The following ERBB4 variants were observed in gnomAD, a reference collection of about 807,000 sequenced individuals.
ERBB4 encodes receptor tyrosine-protein kinase erbB-4.
ERBB4 carries 42 observed loss-of-function variants against 158.0 expected under a neutral mutation model. The ratio of observed to expected loss-of-function variants is 0.27; its 90% CI spans 0.21 to 0.34. The LOEUF (loss-of-function observed/expected upper bound fraction) is 0.34, where lower values mean the gene tolerates loss of function less well. Among genes scored for constraint, ERBB4 ranks in the 10% least tolerant of loss-of-function variants. The probability of loss-of-function intolerance (pLI) is 1.00; values close to 1 mark genes in which losing one functional copy is unlikely to be tolerated. For synonymous variants in ERBB4, 583 were observed against 558.7 expected (o/e 1.04, Z -0.61); for missense variants, 1,333 against 1,624.1 (o/e 0.82, Z 3.08).
chr2:212,306,320 A>G (rs1448539306), intron 1 of ERBB4, among the ~76,000 whole-genome samples: 2 of 151,288 alleles, frequency 1.3e-5, no homozygotes, highest in African/African-American at 4.8e-5. Flanking sequence ...AAACAAACAA[A>G]CTCTATAAAC....
intron 3 of ERBB4, among the ~76,000 whole-genome samples, chr2:211,864,170 T>C (rs1042490179): frequency 1.3e-5 from 2 of 152,220 alleles, no homozygotes; most frequent in Non-Finnish European, 2.9e-5. Flanking sequence ...CTTTCCTCTG[T>C]GGGTGTTCTG....
At chr2:212,106,558 C>T (rs2079233342) in intron 2 of ERBB4, among the ~76,000 whole-genome samples, 1 of 152,142 alleles carries the variant, frequency 6.6e-6, no homozygotes, top group Non-Finnish European at 1.5e-5. Context: ...AAAAGAAAAT[C>T]CTATATTCTG....
At chr2:212,537,843 C>T (rs1693182455) in intron 1 of ERBB4, among the ~76,000 whole-genome samples, 1 of 151,874 alleles carries the variant, frequency 6.6e-6, no homozygotes, top group Non-Finnish European at 1.5e-5. Context: ...AGGCCCAGAA[C>T]TCCGGGCCCC....
chr2:212,106,794 A>T (rs898923463), intron 2 of ERBB4, among the ~76,000 whole-genome samples: 1 of 152,162 alleles, frequency 6.6e-6, no homozygotes, highest in African/African-American at 2.4e-5. Context: ...GCCCCAGGTG[A>T]TCCAGCAGTG....
At chr2:211,515,488 T>C (rs1159669665) in intron 20 of ERBB4, among the ~76,000 whole-genome samples, 2 of 152,016 alleles carry the variant, frequency 1.3e-5, no homozygotes, top group East Asian at 3.9e-4. Context: ...AGGGGTAATG[T>C]CAGTTGAGTA....
chr2:211,947,082 G>T (rs2125136704), intron 3 of ERBB4, among the ~76,000 whole-genome samples: 1 of 152,200 alleles, frequency 6.6e-6, no homozygotes, highest in East Asian at 1.9e-4. Context: ...AAGCGCTAAT[G>T]ATAGTTATCT....
At chr2:211,562,719 T>C (rs533891259) in intron 19 of ERBB4, among the ~76,000 whole-genome samples, 17 of 151,842 alleles carry the variant, frequency 1.1e-4, no homozygotes, top group Admixed American at 2.0e-4. Flanking sequence ...GTCTTATTCA[T>C]AGATTCATAA....
chr2:212,280,673 CTT>C (rs2085723897), intron 1 of ERBB4, among the ~76,000 whole-genome samples: 2 of 151,608 alleles, frequency 1.3e-5, no homozygotes, highest in African/African-American at 4.8e-5. Context: ...AGTTAGATAA[CTT>C]TATTCACACT....
intron 16 of ERBB4, among the ~76,000 whole-genome samples, chr2:211,640,071 G>T (rs1428779814): frequency 6.6e-6 from 1 of 151,824 alleles, no homozygotes; most frequent in Non-Finnish European, 1.5e-5. Context: ...TTGTTTCCTT[G>T]ATAGTCAATT....
intron 2 of ERBB4, among the ~76,000 whole-genome samples, chr2:212,022,750 A>ATT (rs1023454176): frequency 2.0e-5 from 3 of 152,088 alleles, no homozygotes; most frequent in Admixed American, 2.0e-4. Flanking sequence ...TTTTATTTGT[A>ATT]TTTTTTTGTT....
intron 3 of ERBB4, among the ~76,000 whole-genome samples, chr2:211,803,496 T>C (rs1410818181): frequency 6.6e-6 from 1 of 152,100 alleles, no homozygotes; most frequent in Non-Finnish European, 1.5e-5. Flanking sequence ...GTATAAGGAA[T>C]AGAGTGAGTA....
intron 1 of ERBB4, among the ~76,000 whole-genome samples, chr2:212,172,916 C>A (rs2081561988): frequency 6.6e-6 from 1 of 151,940 alleles, no homozygotes. Flanking sequence ...ACTTCTATAT[C>A]CTGCACATGT....
At chr2:211,386,205 AT>A (rs749421087) in intron 27 of ERBB4, among the ~76,000 whole-genome samples, 28 of 152,224 alleles carry the variant, frequency 1.8e-4, no homozygotes, top group Non-Finnish European at 3.5e-4. Flanking sequence ...GCATTATTTG[AT>A]TTGGGTGCTT....
chr2:211,938,290 G>A (rs1651455997), intron 3 of ERBB4, among the ~76,000 whole-genome samples: 1 of 152,066 alleles, frequency 6.6e-6, no homozygotes, highest in Non-Finnish European at 1.5e-5. Context: ...TAAGGAAACT[G>A]AGGCTTAGAA....
chr2:211,692,261 ATGT>A (rs372517441), intron 12 of ERBB4, among the ~76,000 whole-genome samples: 64 of 152,270 alleles, frequency 4.2e-4, no homozygotes, highest in African/African-American at 1.0e-3. Flanking sequence ...AGCCCTAGTG[ATGT>A]TGTTCGAACC....
chr2:211,458,247 A>G (rs920389474), intron 20 of ERBB4, among the ~76,000 whole-genome samples: 2 of 151,980 alleles, frequency 1.3e-5, no homozygotes, highest in African/African-American at 4.8e-5. Flanking sequence ...GCCTTTGACC[A>G]ATGAGAGACA....
At chr2:212,332,616 CTCTT>C (rs1197791916) in intron 1 of ERBB4, among the ~76,000 whole-genome samples, 1 of 151,946 alleles carries the variant, frequency 6.6e-6, no homozygotes, top group Non-Finnish European at 1.5e-5. Context: ...TATTCTGAGA[CTCTT>C]TCCAAGCGTT....
chr2:212,326,413 TAAATA>T, intron 1 of ERBB4, among the ~76,000 whole-genome samples: 1 of 150,756 alleles, frequency 6.6e-6, no homozygotes, highest in Non-Finnish European at 1.5e-5. Flanking sequence ...AATGCTCATT[TAAATA>T]AAAGTTTATT....
At chr2:211,883,185 A>T (rs969422071) in intron 3 of ERBB4, among the ~76,000 whole-genome samples, 2 of 152,314 alleles carry the variant, frequency 1.3e-5, no homozygotes, top group South Asian at 2.1e-4. Flanking sequence ...TTCTCAGCAA[A>T]CTATCGCAAG....
Sources: allele counts gnomAD v4.1 joint callset (sites outside exome capture counted in the v4.1 genomes callset), GRCh38; gene constraint gnomAD v4.1.1; transcripts MANE v1.5; gene names NCBI Gene and HGNC (gene_info 2026-07-23, HGNC 2026-07-21).